Variants in RABGAP1 observed in about 807,000 individuals in gnomAD.
RABGAP1 encodes the protein rab GTPase-activating protein 1.
In RABGAP1, 23 loss-of-function variants were observed where a neutral mutation model predicts 137.6. The ratio of observed to expected loss-of-function variants is 0.17; its 90% CI spans 0.12 to 0.24. The LOEUF (loss-of-function observed/expected upper bound fraction) is 0.24. RABGAP1 is among the 10% of genes least tolerant of loss of function. RABGAP1 has a pLI of 1.00. For missense variants in RABGAP1, 906 were observed against 1,275.8 expected (o/e 0.71, Z 4.42); for synonymous variants, 451 against 450.7 (o/e 1.00, Z -0.01).
intron 13 of RABGAP1, chr9:123,035,286 G>A (rs1264969577): frequency 9.3e-6 from 15 of 1,614,152 alleles, no homozygotes; most frequent in Non-Finnish European, 1.3e-5. Context: ...GGGAGACTGG[G>A]GAAGTGCAGG....
At chr9:123,041,763 C>G (rs912492584) in intron 13 of RABGAP1, among the ~76,000 whole-genome samples, 4 of 152,120 alleles carry the variant, frequency 2.6e-5, no homozygotes, top group African/African-American at 7.2e-5. Context: ...AAAGAAACAG[C>G]CTGATTTGTC....
intron 13 of RABGAP1, among the ~76,000 whole-genome samples, chr9:123,045,182 G>A (rs2033151877): frequency 6.6e-6 from 1 of 152,152 alleles, no homozygotes. Flanking sequence ...GAGTTGAATT[G>A]TTAAGGCAAT....
rs180818374 is a variant in RABGAP1, at chr9:123,022,703, C to T, written c.1794+2244C>T. ...TACAAGTGTGAGCCACCGCGCCCGG[C>T]CCCCCAAATTTTTTAATGAATATAT... On this transcript the variant is annotated intron_variant, in intron 13 of 25. Coordinates refer to ENST00000373647, the MANE Select transcript of RABGAP1 (RefSeq NM_012197.4). Among the ~76,000 whole-genome samples the T allele has an allele frequency of 1.9e-4, 29 of 152,066 alleles. No homozygotes were observed. In the East Asian group the frequency reaches 5.4e-3, roughly 28 times the overall value.
intron 13 of RABGAP1, among the ~76,000 whole-genome samples, chr9:123,052,912 C>T (rs1331291242): frequency 1.3e-5 from 2 of 152,192 alleles, no homozygotes; most frequent in Admixed American, 1.3e-4. Flanking sequence ...TGCACTCCAG[C>T]CTGGGCAACA....
intron 13 of RABGAP1, among the ~76,000 whole-genome samples, chr9:123,051,078 A>G (rs1287291340): frequency 6.6e-6 from 1 of 151,962 alleles, no homozygotes; most frequent in African/African-American, 2.4e-5. Flanking sequence ...CCTTGAAGAA[A>G]AAAACTCAGA....
intron 22 of RABGAP1, 134 bp from the exon 23 acceptor site, chr9:123,098,581 A>G (rs1463193704): frequency 1.6e-6 from 1 of 641,278 alleles, no homozygotes; most frequent in South Asian, 2.1e-5. Flanking sequence ...GATTGAAGGA[A>G]GAAAGTAGCT....
At chr9:122,979,377 C>T (rs1835934605) in intron 2 of RABGAP1, among the ~76,000 whole-genome samples, 2 of 152,108 alleles carry the variant, frequency 1.3e-5, no homozygotes, top group South Asian at 2.1e-4. Context: ...TCTGGATATA[C>T]GTCCTTCATC....
intron 2 of RABGAP1, among the ~76,000 whole-genome samples, chr9:122,974,351 A>G (rs1231787734): frequency 6.6e-6 from 1 of 151,144 alleles, no homozygotes; most frequent in Non-Finnish European, 1.5e-5. Context: ...AGTCAGGACT[A>G]CTGTAGGTAG....
At chr9:123,025,543 CTTTTTT>C (rs577474947) in intron 13 of RABGAP1, among the ~76,000 whole-genome samples, 2 of 74,998 alleles carry the variant, frequency 2.7e-5, no homozygotes, top group Non-Finnish European at 5.5e-5. Flanking sequence ...TCTTTCTTTT[CTTTTTT>C]TTTTTTTTTT....
At chr9:122,952,258 T>A (rs1834291840) in intron 1 of RABGAP1, among the ~76,000 whole-genome samples, 1 of 151,964 alleles carries the variant, frequency 6.6e-6, no homozygotes, top group African/African-American at 2.4e-5. Flanking sequence ...ATTTTTTATT[T>A]TTTTTATTTT....
At chr9:122,978,846 A>G (rs775634886) in intron 2 of RABGAP1, among the ~76,000 whole-genome samples, 2 of 151,512 alleles carry the variant, frequency 1.3e-5, no homozygotes, top group East Asian at 1.9e-4. Flanking sequence ...AGCCCTTCCT[A>G]TTGTCAGAGT....
At chr9:122,957,858 C>G (rs1834613934) in intron 2 of RABGAP1, among the ~76,000 whole-genome samples, 1 of 151,476 alleles carries the variant, frequency 6.6e-6, no homozygotes, top group Non-Finnish European at 1.5e-5. Context: ...ACAGGCAAAA[C>G]TCCCTGCCCT....
At chr9:123,021,771 T>C (rs191622521) in intron 13 of RABGAP1, among the ~76,000 whole-genome samples, 12 of 152,358 alleles carry the variant, frequency 7.9e-5, no homozygotes, top group East Asian at 7.7e-4. Context: ...TAAGTTGATA[T>C]AATTGTTTAG....
chr9:122,948,060 C>T (rs1422225522), intron 1 of RABGAP1, among the ~76,000 whole-genome samples: 3 of 151,718 alleles, frequency 2.0e-5, no homozygotes, highest in Admixed American at 6.6e-5. Flanking sequence ...CACACACACA[C>T]ACACACACAC....
At chr9:122,973,703 A>G (rs942756820) in intron 2 of RABGAP1, among the ~76,000 whole-genome samples, 7 of 152,122 alleles carry the variant, frequency 4.6e-5, no homozygotes, top group Non-Finnish European at 8.8e-5. Context: ...GGTTTCTGAT[A>G]CTGCTTTTTT....
chr9:123,032,393 T>C (rs1244743462), intron 13 of RABGAP1, among the ~76,000 whole-genome samples: 1 of 152,244 alleles, frequency 6.6e-6, no homozygotes, highest in East Asian at 1.9e-4. Context: ...TGCCACACAC[T>C]TCGCTCTGTT....
intron 13 of RABGAP1, among the ~76,000 whole-genome samples, chr9:123,057,081 CG>C (rs1731681597): frequency 6.7e-6 from 1 of 149,234 alleles, no homozygotes; most frequent in Non-Finnish European, 1.5e-5. Flanking sequence ...ACCTCCCGGA[CG>C]GGGCGGCTGG....
intron 19 of RABGAP1, among the ~76,000 whole-genome samples, chr9:123,083,522 G>A (rs535626637): frequency 1.3e-5 from 2 of 152,312 alleles, no homozygotes; most frequent in South Asian, 2.1e-4. Context: ...GTCCTTATCT[G>A]TTTGGGTTCT....
At chr9:122,989,716 G>A in intron 5 of RABGAP1, 1 of 549,734 alleles carries the variant, frequency 1.8e-6, no homozygotes, top group East Asian at 3.1e-5. Context: ...GGTTAAGTAG[G>A]CATTCTGGTT....
Sources: allele counts gnomAD v4.1 joint callset (sites outside exome capture counted in the v4.1 genomes callset), GRCh38; gene constraint gnomAD v4.1.1; transcripts MANE v1.5; gene names NCBI Gene and HGNC (gene_info 2026-07-23, HGNC 2026-07-21).